Variants in THRAP3 observed in about 807,000 individuals in gnomAD.
The protein encoded by THRAP3 is thyroid hormone receptor-associated protein 3.
Under a neutral mutation model 101.0 loss-of-function variants are expected in THRAP3, and 16 were observed. The observed-to-expected ratio is 0.16, with a 90% CI of 0.11 to 0.24. The LOEUF (loss-of-function observed/expected upper bound fraction) is 0.24, where lower values mean the gene tolerates loss of function less well. Among genes scored for constraint, THRAP3 ranks in the 10% least tolerant of loss-of-function variants. THRAP3 has a pLI of 1.00. For synonymous variants in THRAP3, 407 were observed against 422.6 expected, an observed-to-expected ratio of 0.96 and a Z score of 0.45; for missense variants, 989 against 1,202.7, an observed-to-expected ratio of 0.82 and a Z score of 2.63.
intron 1 of THRAP3, among the ~76,000 whole-genome samples, chr1:36,242,419 C>T (rs114258211): frequency 0.01 from 1,554 of 150,104 alleles, 19 homozygotes; most frequent in African/African-American, 0.034. Context: ...TCTCAAAGTG[C>T]TGGGATTACA....
chr1:36,208,667 T>C, the THRAP3 span, among the ~76,000 whole-genome samples: 1 of 152,066 alleles, frequency 6.6e-6, no homozygotes, highest in African/African-American at 2.4e-5. Flanking sequence ...AACATAATAA[T>C]TTTTTTTGTT....
At chr1:36,279,660 C>T (rs904165172) in intron 2 of THRAP3, among the ~76,000 whole-genome samples, 1 of 152,150 alleles carries the variant, frequency 6.6e-6, no homozygotes, top group Non-Finnish European at 1.5e-5. Context: ...CAGTCTTTTA[C>T]TCATCACCTT....
intron 8 of THRAP3, among the ~76,000 whole-genome samples, chr1:36,295,638 T>A (rs954408884): frequency 1.3e-5 from 2 of 151,674 alleles, no homozygotes; most frequent in African/African-American, 4.8e-5. Flanking sequence ...TCTCCCTGTT[T>A]CTTTGGTTTC....
At chr1:36,285,488 G>A (rs1645783836) in intron 3 of THRAP3, among the ~76,000 whole-genome samples, 1 of 152,138 alleles carries the variant, frequency 6.6e-6, no homozygotes, top group Admixed American at 6.5e-5. Flanking sequence ...AAGTCTCTGT[G>A]GTTCTGGAAA....
chr1:36,236,252 A>G (rs981252928), intron 1 of THRAP3, among the ~76,000 whole-genome samples: 27 of 50,204 alleles, frequency 5.4e-4, no homozygotes, highest in African/African-American at 9.5e-4. Flanking sequence ...TTCATGACAG[A>G]CTGGGCGCAA....
At chr1:36,272,204 A>G (rs1022946533) in intron 2 of THRAP3, among the ~76,000 whole-genome samples, 2 of 152,356 alleles carry the variant, frequency 1.3e-5, no homozygotes, top group Middle Eastern at 3.4e-3. Context: ...TGTTTTAAAC[A>G]GTTAAATTAA....
chr1:36,241,383 GTGTATATATATATATATATATATATA>G (rs202219561), intron 1 of THRAP3, among the ~76,000 whole-genome samples: 41,597 of 132,004 alleles, frequency 0.32, 7,497 homozygotes, highest in Middle Eastern at 0.5. Context: ...ATGATAATGG[GTGTATATATATATATATATATATATA>G]TATATATATA....
At chr1:36,261,389 C>T (rs898044365) in intron 2 of THRAP3, among the ~76,000 whole-genome samples, 1 of 152,120 alleles carries the variant, frequency 6.6e-6, no homozygotes, top group Admixed American at 6.5e-5. Flanking sequence ...AAAAACTAGC[C>T]AGGCACGGTG....
Position 36,303,919 on chromosome 1 carries a change from C to T in THRAP3, c.2770C>T (p.His924Tyr). The T allele has an allele frequency of 6.2e-7, 1 of 1,613,508 alleles. No individual in the cohort carries two copies. The highest frequency in any genetic ancestry group is 1.3e-5 in the African/African-American group (1 of 74,988). ...RKSSTSPKWA[H>Y]DKFSGEEGEI... is the part of the protein sequence containing the mutation. ...ATCAAGTACCAGCCCCAAGTGGGCC[C>T]ATGACAAGTTCAGTGGGGAGGAAGG... Residue 924 changes from histidine to tyrosine, a missense_variant, in exon 12 of 12, where the codon CAT (histidine) becomes TAT (tyrosine). By Grantham distance (83) the His-to-Tyr change is moderately conservative. Coordinates refer to ENST00000354618, the MANE Select transcript of THRAP3 (RefSeq NM_005119.4).
the THRAP3 span, among the ~76,000 whole-genome samples, chr1:36,213,994 AAAG>A: frequency 2.3e-5 from 2 of 85,834 alleles, no homozygotes. Flanking sequence ...AGAAAGAAAG[AAAG>A]GAAAGAAAGA....
chr1:36,253,764 T>TTTTTTTA (rs1645338748), intron 1 of THRAP3, among the ~76,000 whole-genome samples: 1 of 142,784 alleles, frequency 7.0e-6, no homozygotes, highest in African/African-American at 2.6e-5. Flanking sequence ...AGGCTAATTT[T>TTTTTTTA]TTTTTTTTTT....
At chr1:36,301,840 GCT>G in intron 11 of THRAP3, 144 bp downstream of exon 11, 1 of 1,011,518 alleles carries the variant, frequency 9.9e-7, no homozygotes, top group Non-Finnish European at 1.4e-6. Context: ...CTTGCATAGT[GCT>G]AACTAGATGG....
intron 1 of THRAP3, among the ~76,000 whole-genome samples, chr1:36,255,332 T>C (rs1374425815): frequency 2.6e-5 from 4 of 152,106 alleles, no homozygotes; most frequent in African/African-American, 7.2e-5. Flanking sequence ...TAGTTCTCAA[T>C]AAAAGATTGC....
intron 2 of THRAP3, among the ~76,000 whole-genome samples, chr1:36,278,372 G>A (rs1434881151): frequency 6.6e-6 from 1 of 151,962 alleles, no homozygotes; most frequent in African/African-American, 2.4e-5. Flanking sequence ...GGCTTCAATC[G>A]GGTTTTGACC....
rs577292328 is a variant in THRAP3, at chr1:36,293,640, C to CTGTGTGTGTGTGTGTGTGTG, written c.2031-191_2031-172dup. Among the ~76,000 whole-genome samples the CTGTGTGTGTGTGTGTGTGTG allele has an allele frequency of 4.6e-3, 614 of 133,400 alleles. 8 individuals carry two copies. The highest frequency in any genetic ancestry group is 0.012 in the African/African-American group (432 of 35,944). 87.5% of individuals were successfully genotyped at this position (133,400 alleles called of 152,430 possible). A position where few individuals can be genotyped will look rare whatever the true frequency, so the allele number is the denominator to read the frequency against. On this transcript the variant is annotated intron_variant, in intron 7 of 11. Transcript: ENST00000354618. ...TCTGTTACACTGTGGGAACCTGGGACTGTGTGTGTGTGTGTGTGTGTGTGT... is the reference window on the plus strand; with the variant it reads ...TCTGTTACACTGTGGGAACCTGGGACTGTGTGTGTGTGTGTGTGTGTGTGTGTGTGTGTGTGTGTGTGTGT...
intron 1 of THRAP3, among the ~76,000 whole-genome samples, chr1:36,233,310 A>G (rs1458711006): frequency 2.0e-5 from 3 of 151,698 alleles, no homozygotes; most frequent in African/African-American, 7.3e-5. Flanking sequence ...GATCAAGACC[A>G]TCCTGGCTAA....
At chr1:36,249,045 A>G (rs1489088215) in intron 1 of THRAP3, among the ~76,000 whole-genome samples, 1 of 151,502 alleles carries the variant, frequency 6.6e-6, no homozygotes, top group East Asian at 1.9e-4. Context: ...GCACCACCAC[A>G]TCTGGCTAGT....
intron 1 of THRAP3, among the ~76,000 whole-genome samples, chr1:36,252,941 T>C (rs1325757148): frequency 1.8e-5 from 2 of 109,844 alleles, no homozygotes; most frequent in African/African-American, 6.9e-5. Context: ...TATATATATA[T>C]ATATATATAT....
At chr1:36,240,770 G>T (rs1371722423) in intron 1 of THRAP3, among the ~76,000 whole-genome samples, 1 of 151,864 alleles carries the variant, frequency 6.6e-6, no homozygotes, top group Non-Finnish European at 1.5e-5. Flanking sequence ...GATACTTCTA[G>T]AAGTCAGCAC....
Sources: gnomAD v4.1 joint callset for allele counts (sites outside exome capture counted in the v4.1 genomes callset) on GRCh38, gnomAD v4.1.1 for gene constraint, MANE v1.5 for transcripts, NCBI Gene and HGNC (gene_info 2026-07-23, HGNC 2026-07-21) for gene names.